Variants in ZG16 observed in about 807,000 individuals in gnomAD.
ZG16 encodes zymogen granule membrane protein 16.
In ZG16, 9 loss-of-function variants were observed where a neutral mutation model predicts 15.6. The observed-to-expected ratio is 0.58, with a 90% CI of 0.35 to 1.00. ZG16 has a LOEUF of 1.00. Ranked by LOEUF, ZG16 falls within the 50% of genes least tolerant of loss-of-function variation. The pLI is 0.02. For synonymous variants in ZG16, 89 were observed against 87.4 expected (o/e 1.02, Z -0.10); for missense variants, 174 against 214.8 (o/e 0.81, Z 1.19).
chr16:29,779,355 C>G (rs1311146100), intron 2 of ZG16, 34 bp downstream of exon 2: 26 of 1,536,754 alleles, frequency 1.7e-5, no homozygotes, highest in Non-Finnish European at 2.1e-5. Flanking sequence ...GTATTGGGGA[C>G]TTGGGAAGGC....
chr16:29,780,393 T>G lies in ZG16; in HGVS notation c.478T>G (p.Tyr160Asp), dbSNP rs1180692429. Reference sequence around the variant, plus strand: ...TGCCATTGGCCTGCACTGGGATGTTTACCCCAGTAGCTGCAGCAGATGCTG... The same window carrying G: ...TGCCATTGGCCTGCACTGGGATGTTGACCCCAGTAGCTGCAGCAGATGCTG... ...IDAIGLHWDV[Y>D]PSSCSRC is the part of the protein sequence containing the mutation. The change falls in exon 4 of 4, where the codon TAC (tyrosine) becomes GAC (aspartate). Residue 160 changes from tyrosine (Y) to aspartate (D), a missense_variant. Transcript: ENST00000400752. The G allele has an allele frequency of 2.6e-6, 4 of 1,534,448 alleles. No individual in the cohort carries two copies.
At position 29,782,667 on chromosome 16, in the gene ZG16, C is replaced by T. The variant is rs181726182; in HGVS notation, c.*2248C>T. ...ACTTCAGCAGCTGCAGAGCCCCAGC[C>T]TCTTCTTTGGCAGGGGCACTGTGGT... On this transcript the variant is annotated 3_prime_UTR_variant, in exon 4 of 4. Transcript: ENST00000400752. 1 of 152,328 alleles carries T rather than the reference C, an allele frequency of 6.6e-6. No individual in the cohort carries two copies. The highest frequency in any genetic ancestry group is 1.9e-4 in the East Asian group (1 of 5,188). 9.4% of individuals were successfully genotyped at this position (152,328 alleles called of 1,614,324 possible). A position where few individuals can be genotyped will look rare whatever the true frequency, so the allele number is the denominator to read the frequency against.
Position 29,779,301 on chromosome 16 carries a change from C to T in ZG16, c.35C>T (p.Ala12Val). The change falls in exon 2 of 4, where the codon GCC (alanine) becomes GTC (valine). Residue 12 changes from alanine to valine, a missense_variant. Ala to Val is a moderately conservative substitution (Grantham distance 64). Transcript: ENST00000400752. ...LTVALLALLC[A>V]SASGNAIQAR... ...GTCGCTCTCCTAGCCCTTCTCTGTGCCTCAGCCTCTGGCAATGCCAGTAAG... is the reference window on the plus strand; with the variant it reads ...GTCGCTCTCCTAGCCCTTCTCTGTGTCTCAGCCTCTGGCAATGCCAGTAAG... 6.5e-7 allele frequency: 1 copy of T among 1,537,680 alleles called. No homozygotes were observed. Among genetic ancestry groups the T allele is most frequent in the Non-Finnish European group, 8.7e-7 (1 of 1,147,004 alleles).
Position 29,780,334 on chromosome 16 carries a change from G to C in ZG16, c.419G>C (p.Arg140Pro). The change falls in exon 4 of 4, where the codon CGC (arginine) becomes CCC (proline). Residue 140 changes from arginine to proline, a missense_variant. Physicochemically the swap from Arg to Pro is moderately radical, Grantham distance 103. Transcript: ENST00000400752. ...CCCTTGCACCCCAACACCGTGCTCC[G>C]CTTCATCAGTGGCCGGTCTGGTTCT... The part of the protein sequence containing the change: ...AVPLHPNTVL[R>P]FISGRSGSLI... 6.5e-7 allele frequency: 1 copy of C among 1,537,314 alleles called. No homozygotes were observed. Among genetic ancestry groups the C allele is most frequent in the Non-Finnish European group, 8.7e-7 (1 of 1,146,932 alleles).
rs1250535758 is a variant in ZG16 at position 29,780,372 on chromosome 16, A to G, written c.457A>G (p.Ile153Val). 4 of 1,537,150 alleles carry G rather than the reference A, an allele frequency of 2.6e-6. No homozygotes were observed. The Admixed American group carries it at 5.9e-5, about 23-fold the overall frequency. Residue 153 changes from isoleucine to valine, a missense_variant, in exon 4 of 4, where the codon ATT (isoleucine) becomes GTT (valine). By Grantham distance (29) the Ile-to-Val change is conservative. Coordinates refer to ENST00000400752, the MANE Select transcript of ZG16 (RefSeq NM_152338.4). ...CCGGTCTGGTTCTCTCATCGATGCC[A>G]TTGGCCTGCACTGGGATGTTTACCC... ...SGRSGSLIDA[I>V]GLHWDVYPSS...
intron 3 of ZG16, among the ~76,000 whole-genome samples, chr16:29,779,864 T>C (rs1360761741): frequency 6.6e-6 from 1 of 152,072 alleles, no homozygotes; most frequent in Non-Finnish European, 1.5e-5. Context: ...TAGCCTCAAC[T>C]ACTCAGGAGG....
intron 1 of ZG16, among the ~76,000 whole-genome samples, chr16:29,778,723 C>G (rs1898585591): frequency 6.6e-6 from 1 of 152,130 alleles, no homozygotes; most frequent in African/African-American, 2.4e-5. Context: ...TCCTTGAGAC[C>G]AGGTGGATGC....
At chr16:29,779,689 C>G in intron 3 of ZG16, 52 bp downstream of exon 3, 1 of 1,530,738 alleles carries the variant, frequency 6.5e-7, no homozygotes, top group South Asian at 1.2e-5. Context: ...TCTGTCATTA[C>G]AATGCTTTGG....
In ZG16 at chr16:29,780,277, G is replaced by A; in HGVS notation, c.362G>A (p.Gly121Glu). ...GACAAGGGCCGCTATCTGTCTTTTGGGAAAGACAGTGGCACAAGTTTCAAT... is the reference window on the plus strand; with the variant it reads ...GACAAGGGCCGCTATCTGTCTTTTGAGAAAGACAGTGGCACAAGTTTCAAT... ...VTDKGRYLSF[G>E]KDSGTSFNAV... The change falls in exon 4 of 4, where the codon GGG (glycine) becomes GAG (glutamate). Residue 121 changes from glycine to glutamate, a missense_variant. Transcript: ENST00000400752. The A allele has an allele frequency of 6.5e-7, 1 of 1,537,432 alleles. No individual in the cohort carries two copies. Among genetic ancestry groups the A allele is most frequent in the Non-Finnish European group, 8.7e-7 (1 of 1,146,946 alleles).
intron 1 of ZG16, among the ~76,000 whole-genome samples, chr16:29,778,796 G>T (rs1336636857): frequency 6.6e-6 from 1 of 152,132 alleles, no homozygotes; most frequent in African/African-American, 2.4e-5. Context: ...AGATGATGAG[G>T]CTTTCTTTGC....
At chr16:29,779,480 C>T in intron 2 of ZG16, 25 bp from the exon 3 acceptor site, 1 of 1,535,766 alleles carries the variant, frequency 6.5e-7, no homozygotes, top group Non-Finnish European at 8.7e-7. Context: ...AGATTTCTCC[C>T]TCCAACTCCT....
chr16:29,780,148 G>A lies in ZG16; in HGVS notation c.233G>A (p.Gly78Asp), dbSNP rs1465166382. The A allele has an allele frequency of 1.3e-6, 2 of 1,537,194 alleles. No homozygotes were observed. The highest frequency in any genetic ancestry group is 1.7e-6 in the Non-Finnish European group (2 of 1,146,894). ...AAGGTGTGGAGCGACTATGTGGGTGGTCGCAACGGAGACCTGGAGGAGATC... is the reference window on the plus strand; with the variant it reads ...AAGGTGTGGAGCGACTATGTGGGTGATCGCAACGGAGACCTGGAGGAGATC... ...YGKVWSDYVG[G>D]RNGDLEEIFL... Residue 78 changes from glycine to aspartate, a missense_variant, in exon 4 of 4, where the codon GGT (glycine) becomes GAT (aspartate). Transcript: ENST00000400752.
intron 3 of ZG16, 28 bp downstream of exon 3, chr16:29,779,665 C>A (rs576837733): frequency 7.2e-6 from 11 of 1,535,912 alleles, no homozygotes; most frequent in Middle Eastern, 1.7e-4. Context: ...CCTGGCTGGG[C>A]GCGGTGGCTC....
intron 3 of ZG16, 55 bp from the exon 4 acceptor site, chr16:29,780,049 C>A: frequency 1.4e-6 from 2 of 1,443,904 alleles, no homozygotes; most frequent in Non-Finnish European, 1.9e-6. Context: ...TAGCCAGAGA[C>A]CTCTCATCCC....
intron 3 of ZG16, 44 bp from the exon 4 acceptor site, chr16:29,780,060 T>C: frequency 6.7e-7 from 1 of 1,486,892 alleles, no homozygotes; most frequent in Non-Finnish European, 9.0e-7. Flanking sequence ...CTCTCATCCC[T>C]ATCATCACCT....
In ZG16 at chr16:29,780,150, C is replaced by A; in HGVS notation, c.235C>A (p.Arg79Ser). 1 of 1,537,120 alleles carries A rather than the reference C, an allele frequency of 6.5e-7. No homozygotes were observed. ...GKVWSDYVGG[R>S]NGDLEEIFLH... The stretch of plus-strand genomic sequence containing the variant: ...GGTGTGGAGCGACTATGTGGGTGGT[C>A]GCAACGGAGACCTGGAGGAGATCTT... The change falls in exon 4 of 4, where the codon CGC becomes AGC. Residue 79 changes from arginine to serine, a missense_variant. Coordinates refer to ENST00000400752, the MANE Select transcript of ZG16 (RefSeq NM_152338.4).
Position 29,779,501 on chromosome 16 carries a change from C to A in ZG16, c.56-4C>A, listed in dbSNP as rs1368825149. On this transcript the variant is annotated splice_region_variant and splice_polypyrimidine_tract_variant and intron_variant, in intron 2 of 3. Coordinates refer to ENST00000400752, the MANE Select transcript of ZG16 (RefSeq NM_152338.4). ...CTCCCTCCAACTCCTGCTTGCCCCT[C>A]CAGTTCAGGCCAGGTCTTCCTCCTA... 1 of 1,536,992 alleles carries A rather than the reference C, an allele frequency of 6.5e-7. No homozygotes were observed. Among genetic ancestry groups the A allele is most frequent in the Non-Finnish European group, 8.7e-7 (1 of 1,146,752 alleles).
chr16:29,778,346 GA>G (rs1898578919), intron 1 of ZG16, 40 bp downstream of exon 1: 1 of 152,248 alleles, frequency 6.6e-6, no homozygotes, highest in Non-Finnish European at 1.5e-5. Flanking sequence ...AGTTGGGGGG[GA>G]ATTCAAATCT....
Position 29,782,870 on chromosome 16 carries a change from T to G in ZG16, c.*2451T>G, listed in dbSNP as rs1898638576. Reference sequence around the variant, plus strand: ...ATTTACCAGTTCCCAAAATTAATACTTTTATACTTTCTTATGCCTGTCTTT... The same window carrying G: ...ATTTACCAGTTCCCAAAATTAATACGTTTATACTTTCTTATGCCTGTCTTT... On this transcript the variant is annotated 3_prime_UTR_variant, in exon 4 of 4. Transcript: ENST00000400752. The G allele has an allele frequency of 6.6e-6, 1 of 152,252 alleles. No individual in the cohort carries two copies. Among genetic ancestry groups the G allele is most frequent in the African/African-American group, 2.4e-5 (1 of 41,468 alleles). The allele number at this position is 152,252 out of a possible 1,614,324, so 9.4% of individuals were successfully genotyped here.
Sources: gnomAD v4.1 joint callset for allele counts (sites outside exome capture counted in the v4.1 genomes callset) on GRCh38, gnomAD v4.1.1 for gene constraint, MANE v1.5 for transcripts, NCBI Gene and HGNC (gene_info 2026-07-23, HGNC 2026-07-21) for gene names.